The following RFTN1 variants were observed in gnomAD, a reference collection of about 807,000 sequenced individuals.
RFTN1 encodes the protein raftlin, lipid raft linker 1, also known as raftlin.
RFTN1 carries 26 observed loss-of-function variants against 46.5 expected under a neutral mutation model. That is an observed-to-expected ratio of 0.56 (90% CI 0.41 to 0.78). The LOEUF is 0.78. Among genes scored for constraint, RFTN1 ranks in the 30% least tolerant of loss-of-function variants. The probability of loss-of-function intolerance (pLI) is 0.00; values close to 1 mark genes in which losing one functional copy is unlikely to be tolerated. For missense variants in RFTN1, 693 were observed against 718.7 expected, an observed-to-expected ratio of 0.96 and a Z score of 0.41; for synonymous variants, 261 against 284.2, an observed-to-expected ratio of 0.92 and a Z score of 0.82.
chr3:16,404,856 CCAT>C (rs2074814158), intron 4 of RFTN1, among the ~76,000 whole-genome samples: 1 of 152,104 alleles, frequency 6.6e-6, no homozygotes, highest in South Asian at 2.1e-4. Context: ...AATCCAGGCT[CCAT>C]CATTTAGCAG....
rs71310345 is a variant in RFTN1 at position 16,418,340 on chromosome 3, A to G, written c.333-8857T>C. Among the ~76,000 whole-genome samples, 31,485 of 152,160 alleles carry G rather than the reference A, an allele frequency of 0.21. 3,605 individuals carry two copies. The highest frequency in any genetic ancestry group is 0.27 in the Admixed American group (4,149 of 15,280). On this transcript the variant is annotated intron_variant, in intron 3 of 9. Coordinates refer to ENST00000334133, the MANE Select transcript of RFTN1 (RefSeq NM_015150.2). This position sits in a 1 kb window ranked among gnomAD's most constrained non-coding sequence, Gnocchi z 5.0. Reference sequence around the variant, plus strand: ...TACACATTACTTTTAAATAATAAACATGTAATAAATCCCATTTTGGCTCAT... The same window carrying G: ...TACACATTACTTTTAAATAATAAACGTGTAATAAATCCCATTTTGGCTCAT...
rs1257819029 is a variant in RFTN1 at position 16,385,010 on chromosome 3, C to T, written c.442-6908G>A. Among the ~76,000 whole-genome samples, 1 of 152,172 alleles carries T rather than the reference C, an allele frequency of 6.6e-6. No individual in the cohort carries two copies. The highest frequency in any genetic ancestry group is 1.5e-5 in the Non-Finnish European group (1 of 68,018). On this transcript the variant is annotated intron_variant, in intron 4 of 9. Transcript: ENST00000334133. The surrounding 1 kb of genome is among the most constrained non-coding windows in gnomAD (Gnocchi z 5.0). ...GGGGTAAATCCAAGACTCACATCCA[C>T]ATACTTATATACCCTAGATCAGACC...
chr3:16,494,785 T>C (rs987483705), intron 1 of RFTN1, among the ~76,000 whole-genome samples: 5 of 152,348 alleles, frequency 3.3e-5, no homozygotes, highest in African/African-American at 1.2e-4. Context: ...TTTGCTTCTG[T>C]GTACTAAGGA....
At position 16,484,303 on chromosome 3, in the gene RFTN1, G is replaced by A. The variant is rs548693573; in HGVS notation, c.145+9422C>T. ...TGTCAGACTAACACCCCCCAGACTGGAGGTCAAAGAAAAACTGGACCTGTA... is the reference window on the plus strand; with the variant it reads ...TGTCAGACTAACACCCCCCAGACTGAAGGTCAAAGAAAAACTGGACCTGTA... On this transcript the variant is annotated intron_variant, in intron 2 of 9. Transcript: ENST00000334133. The surrounding 1 kb of genome is among the most constrained non-coding windows in gnomAD (Gnocchi z 4.6). Among the ~76,000 whole-genome samples, 1 of 152,260 alleles carries A rather than the reference G, an allele frequency of 6.6e-6. No homozygotes were observed. The highest frequency in any genetic ancestry group is 6.5e-5 in the Admixed American group (1 of 15,286).
chr3:16,384,749 TTTAAA>T lies in RFTN1; in HGVS notation c.442-6652_442-6648del, dbSNP rs1448071296. ...CACTAGCCACATGTGGCTATTTAAATTTAAATTAATTCAAATAAAATAAAATTTAA... is the reference window on the plus strand; with the variant it reads ...CACTAGCCACATGTGGCTATTTAAATTTAATTCAAATAAAATAAAATTTAA... On this transcript the variant is annotated intron_variant, in intron 4 of 9. Coordinates refer to ENST00000334133, the MANE Select transcript of RFTN1 (RefSeq NM_015150.2). This position sits in a 1 kb window ranked among gnomAD's most constrained non-coding sequence, Gnocchi z 4.7. 6.6e-6 allele frequency among the ~76,000 whole-genome samples: 1 copy of T among 152,246 alleles called. No homozygotes were observed. Among genetic ancestry groups the T allele is most frequent in the Non-Finnish European group, 1.5e-5 (1 of 68,046 alleles).
intron 4 of RFTN1, among the ~76,000 whole-genome samples, chr3:16,404,505 G>A (rs1224106254): frequency 7.0e-6 from 1 of 142,090 alleles, no homozygotes; most frequent in Non-Finnish European, 1.5e-5. Context: ...CAGTAAACCC[G>A]CCTGACTCAC....
chr3:16,354,876 G>C (rs757578258), intron 7 of RFTN1, among the ~76,000 whole-genome samples: 4 of 152,124 alleles, frequency 2.6e-5, no homozygotes, highest in Non-Finnish European at 5.9e-5. Flanking sequence ...ATCCTAGTTC[G>C]TCCCTCTTTG....
chr3:16,444,039 A>AATATTATATGTATAAAAT (rs1252234280), intron 2 of RFTN1, among the ~76,000 whole-genome samples: 1 of 152,242 alleles, frequency 6.6e-6, no homozygotes, highest in African/African-American at 2.4e-5. Context: ...CTGGAGTATT[A>AATATTATATGTATAAAAT]ATACAATATT....
At chr3:16,417,705 A>G (rs2075110026) in intron 3 of RFTN1, among the ~76,000 whole-genome samples, 1 of 152,156 alleles carries the variant, frequency 6.6e-6, no homozygotes, top group South Asian at 2.1e-4. Context: ...TGTAAACTCA[A>G]ACGCCCATGG....
rs141209620 is a variant in RFTN1, at chr3:16,495,301, A to G, written c.-8-1424T>C. Among the ~76,000 whole-genome samples the G allele has an allele frequency of 2.6e-5, 4 of 152,376 alleles. No individual in the cohort carries two copies. The East Asian group carries it at 7.7e-4, about 29-fold the overall frequency. On this transcript the variant is annotated intron_variant, in intron 1 of 9. Transcript: ENST00000334133. ...AAGCCGGCTGGCATCCACTGGGACA[A>G]AGCAGAAAAGAAATGGACAAGGAAG...
rs2070023536 is a variant in RFTN1, at chr3:16,329,050, A to AG, written c.1147-2175dup. Among the ~76,000 whole-genome samples the AG allele has an allele frequency of 6.6e-6, 1 of 152,240 alleles. No homozygotes were observed. The highest frequency in any genetic ancestry group is 1.5e-5 in the Non-Finnish European group (1 of 68,044). On this transcript the variant is annotated intron_variant, in intron 7 of 9. Coordinates refer to ENST00000334133, the MANE Select transcript of RFTN1 (RefSeq NM_015150.2). The surrounding 1 kb of genome is among the most constrained non-coding windows in gnomAD (Gnocchi z 4.5). ...CCCAATGCAATGACATTGAATGGTG[A>AG]GGCCTGGTGGGAGTGTTTAGGTCAG...
intron 3 of RFTN1, among the ~76,000 whole-genome samples, chr3:16,416,969 C>T (rs1465177387): frequency 6.6e-6 from 1 of 151,900 alleles, no homozygotes; most frequent in African/African-American, 2.4e-5. Context: ...TGTTGTGCAA[C>T]CACCATCACT....
chr3:16,319,467 G>A (rs1229321871), intron 9 of RFTN1, among the ~76,000 whole-genome samples: 3 of 152,132 alleles, frequency 2.0e-5, no homozygotes, highest in African/African-American at 4.8e-5. Flanking sequence ...CCAGGGCTGC[G>A]GTGCACACCT....
chr3:16,404,415 C>CAATATATAATATATATGT (rs1559329164), intron 4 of RFTN1, among the ~76,000 whole-genome samples: 2 of 23,086 alleles, frequency 8.7e-5, no homozygotes, highest in Non-Finnish European at 1.7e-4. Context: ...AATATATATA[C>CAATATATAATATATATGT]ACAATATACA....
At position 16,404,264 on chromosome 3, in the gene RFTN1, A is replaced by G. The variant is rs1325463902; in HGVS notation, c.441+5111T>C. Among the ~76,000 whole-genome samples the G allele has an allele frequency of 5.4e-4, 8 of 14,718 alleles. 1 individual carries two copies. Among genetic ancestry groups the G allele is most frequent in the Non-Finnish European group, 4.3e-4 (4 of 9,300 alleles). 9.7% of individuals were successfully genotyped at this position (14,718 alleles called of 152,430 possible). On this transcript the variant is annotated intron_variant, in intron 4 of 9. Transcript: ENST00000334133. The stretch of plus-strand genomic sequence containing the variant: ...ATATTTTATATATAATATATAATAT[A>G]TAATATATATAATATGTAATATATA...
At chr3:16,399,216 A>G (rs1321764586) in intron 4 of RFTN1, among the ~76,000 whole-genome samples, 1 of 152,202 alleles carries the variant, frequency 6.6e-6, no homozygotes. Flanking sequence ...ATTAAGGAGA[A>G]CAATGAAGAT....
rs1171031099 is a variant in RFTN1, at chr3:16,451,913, A to C, written c.146-17876T>G. ...TGCTTTGGGGCCACTGTTGAGTAAAATAAGGGTGACTTGAACACAAGCAGT... is the reference window on the plus strand; with the variant it reads ...TGCTTTGGGGCCACTGTTGAGTAAACTAAGGGTGACTTGAACACAAGCAGT... On this transcript the variant is annotated intron_variant, in intron 2 of 9. Coordinates refer to ENST00000334133, the MANE Select transcript of RFTN1 (RefSeq NM_015150.2). This position sits in a 1 kb window ranked among gnomAD's most constrained non-coding sequence, Gnocchi z 4.2. 6.6e-6 allele frequency among the ~76,000 whole-genome samples: 1 copy of C among 152,222 alleles called. No individual in the cohort carries two copies. Among genetic ancestry groups the C allele is most frequent in the Non-Finnish European group, 1.5e-5 (1 of 68,044 alleles).
chr3:16,377,703 T>G lies in RFTN1; in HGVS notation c.826+15A>C. The G allele has an allele frequency of 6.4e-7, 1 of 1,565,492 alleles. No homozygotes were observed. On this transcript the variant is annotated intron_variant, in intron 5 of 9. Transcript: ENST00000334133. ...TCTTTAAGTGGGTCAAAACTCCCAT[T>G]GCTGACATACTTACTCCCTGAGAGT... is the stretch of plus-strand genomic sequence containing the variant.
chr3:16,471,228 G>A lies in RFTN1; in HGVS notation c.145+22497C>T, dbSNP rs886254427. On this transcript the variant is annotated intron_variant, in intron 2 of 9. Coordinates refer to ENST00000334133, the MANE Select transcript of RFTN1 (RefSeq NM_015150.2). ...AATCAAGGCCTATAATGCCTATTAC[G>A]CCACAAATCATTTTAAAACGCAAAA... Among the ~76,000 whole-genome samples, 222 of 152,184 alleles carry A rather than the reference G, an allele frequency of 1.5e-3. 2 individuals are homozygous for A. Among genetic ancestry groups the A allele is most frequent in the Non-Finnish European group, 5.0e-4 (34 of 67,998 alleles).
Sources: gnomAD v4.1 joint callset for allele counts (sites outside exome capture counted in the v4.1 genomes callset) on GRCh38, gnomAD v4.1.1 for gene constraint, Gnocchi (gnomAD v3.1) non-coding constraint, MANE v1.5 for transcripts, NCBI Gene and HGNC (gene_info 2026-07-23, HGNC 2026-07-21) for gene names.